Variants in RIT2 observed in about 807,000 individuals in gnomAD.
The protein encoded by RIT2 is Ras like without CAAX 2, also known as GTP-binding protein Rit2.
A neutral mutation model predicts 23.7 loss-of-function variants in RIT2; 24 were observed. The observed-to-expected ratio is 1.01, with a 90% confidence interval of 0.73 to 1.43. RIT2 has a LOEUF of 1.43. Ranked by LOEUF, RIT2 falls within the 40% of genes most tolerant of loss-of-function variation. The pLI is 0.00. For missense variants in RIT2, 236 were observed against 266.9 expected (o/e 0.88, Z 0.81); for synonymous variants, 107 against 91.1 (o/e 1.17, Z -0.99).
chr18:43,096,784 C>T (rs116994295), intron 1 of RIT2, among the ~76,000 whole-genome samples: 7,465 of 151,730 alleles, frequency 0.049, 231 homozygotes, highest in South Asian at 0.13. Context: ...GAAATTCATA[C>T]TCAAAAAGTT....
At chr18:42,749,068 A>G (rs1049440447) in intron 4 of RIT2, among the ~76,000 whole-genome samples, 1 of 151,998 alleles carries the variant, frequency 6.6e-6, no homozygotes, top group African/African-American at 2.4e-5. Flanking sequence ...AACTTGGAAC[A>G]TTTATAAAAA....
chr18:42,937,419 T>C (rs1909488315), intron 3 of RIT2, among the ~76,000 whole-genome samples: 1 of 152,152 alleles, frequency 6.6e-6, no homozygotes, highest in African/African-American at 2.4e-5. Context: ...ATCCAAGTGA[T>C]TCAAAAATTA....
chr18:43,078,700 C>G (rs1913082754), intron 1 of RIT2, among the ~76,000 whole-genome samples: 1 of 152,188 alleles, frequency 6.6e-6, no homozygotes, highest in Non-Finnish European at 1.5e-5. Context: ...ATCCCAGACT[C>G]CCGCTTCCCG....
chr18:43,101,528 T>C (rs1339971052), intron 1 of RIT2, among the ~76,000 whole-genome samples: 1 of 152,204 alleles, frequency 6.6e-6, no homozygotes, highest in Non-Finnish European at 1.5e-5. Flanking sequence ...CCCTGTGTCG[T>C]GCAACATTAA....
At chr18:42,770,315 A>G (rs1913521815) in intron 4 of RIT2, among the ~76,000 whole-genome samples, 1 of 152,246 alleles carries the variant, frequency 6.6e-6, no homozygotes, top group South Asian at 2.1e-4. Context: ...CTAGAGGCAT[A>G]GCTTCCTATC....
intron 4 of RIT2, among the ~76,000 whole-genome samples, chr18:42,821,490 G>T (rs886824815): frequency 1.3e-5 from 2 of 152,004 alleles, no homozygotes; most frequent in East Asian, 3.9e-4. Context: ...TTGCACCCAG[G>T]GGATATTTGG....
At chr18:43,050,200 AT>A (rs913594362) in intron 1 of RIT2, among the ~76,000 whole-genome samples, 3 of 151,140 alleles carry the variant, frequency 2.0e-5, no homozygotes, top group African/African-American at 7.3e-5. Flanking sequence ...CTAATTTTTA[AT>A]TTTTTGGTGT....
intron 2 of RIT2, among the ~76,000 whole-genome samples, chr18:43,006,260 A>T (rs1345506066): frequency 6.6e-6 from 1 of 151,644 alleles, no homozygotes; most frequent in African/African-American, 2.4e-5. Flanking sequence ...AGTGTATAAA[A>T]AGTTAAAGCC....
intron 4 of RIT2, among the ~76,000 whole-genome samples, chr18:42,746,587 A>C (rs1486096190): frequency 1.3e-5 from 2 of 152,082 alleles, no homozygotes; most frequent in Non-Finnish European, 2.9e-5. Flanking sequence ...GTCTCAGTTT[A>C]AATTTTAAAA....
intron 3 of RIT2, among the ~76,000 whole-genome samples, chr18:42,967,582 G>A (rs540978102): frequency 1.1e-4 from 14 of 130,770 alleles, no homozygotes; most frequent in African/African-American, 3.5e-4. Flanking sequence ...TAGTAGAGAC[G>A]GGGTTTCACC....
At chr18:43,105,297 A>AAGAAT (rs1913786606) in intron 1 of RIT2, among the ~76,000 whole-genome samples, 1 of 152,266 alleles carries the variant, frequency 6.6e-6, no homozygotes, top group East Asian at 1.9e-4. Flanking sequence ...GAGCAAGAAC[A>AAGAAT]AGAATAGAGC....
intron 1 of RIT2, among the ~76,000 whole-genome samples, chr18:43,064,442 C>G (rs1382167259): frequency 6.6e-6 from 1 of 152,046 alleles, no homozygotes; most frequent in Admixed American, 6.6e-5. Context: ...CTTTTTACAT[C>G]CTATTACTAA....
At chr18:42,867,335 G>T (rs1005481608) in intron 4 of RIT2, among the ~76,000 whole-genome samples, 1 of 152,024 alleles carries the variant, frequency 6.6e-6, no homozygotes, top group African/African-American at 2.4e-5. Context: ...GCCTGGATTT[G>T]CTCTAAAAAG....
chr18:43,029,179 T>G (rs948071659), intron 2 of RIT2, among the ~76,000 whole-genome samples: 2 of 152,210 alleles, frequency 1.3e-5, no homozygotes, highest in Non-Finnish European at 2.9e-5. Context: ...CCTTATCGAT[T>G]GCTTAGAAAG....
At chr18:42,954,542 C>T (rs1016423824) in intron 3 of RIT2, among the ~76,000 whole-genome samples, 2 of 151,934 alleles carry the variant, frequency 1.3e-5, no homozygotes, top group African/African-American at 4.8e-5. Flanking sequence ...AAGCATGTTC[C>T]TCCTTATTCA....
intron 4 of RIT2, among the ~76,000 whole-genome samples, chr18:42,845,308 C>T (rs954397608): frequency 2.0e-5 from 3 of 151,780 alleles, no homozygotes; most frequent in Non-Finnish European, 4.4e-5. Context: ...ACTTTTCAAA[C>T]AGTGTGAAGA....
intron 4 of RIT2, among the ~76,000 whole-genome samples, chr18:42,752,619 C>T (rs796685596): frequency 1.3e-5 from 2 of 152,232 alleles, no homozygotes; most frequent in African/African-American, 2.4e-5. Context: ...GGATTCTGTA[C>T]ATATTTAGTT....
rs775064740 is a variant in RIT2, at chr18:43,067,888, C to T, written c.104-34021G>A. On this transcript the variant is annotated intron_variant, in intron 1 of 4. Transcript: ENST00000326695. Reference sequence around the variant, plus strand: ...CCTAGCTGACAGCAGAGAGTTCATTCAGATGGTTGGAAAGGAGGGGGGCTG... The same window carrying T: ...CCTAGCTGACAGCAGAGAGTTCATTTAGATGGTTGGAAAGGAGGGGGGCTG... Among the ~76,000 whole-genome samples, 49 of 152,096 alleles carry T rather than the reference C, an allele frequency of 3.2e-4. No homozygotes were observed. In the South Asian group the frequency reaches 4.4e-3, roughly 14 times the overall value.
At chr18:43,106,473 G>T (rs968204056) in intron 1 of RIT2, among the ~76,000 whole-genome samples, 1 of 152,058 alleles carries the variant, frequency 6.6e-6, no homozygotes, top group South Asian at 2.1e-4. Context: ...AACTATAATT[G>T]TTAAAAATCT....
Sources: allele counts gnomAD v4.1 joint callset (sites outside exome capture counted in the v4.1 genomes callset), GRCh38; gene constraint gnomAD v4.1.1; transcripts MANE v1.5; gene names NCBI Gene and HGNC (gene_info 2026-07-23, HGNC 2026-07-21).